IL15RA: variants seen among roughly 807,000 people sequenced by gnomAD.
IL15RA encodes interleukin 15 receptor subunit alpha, also known as interleukin-15 receptor subunit alpha.
A neutral mutation model predicts 24.2 loss-of-function variants in IL15RA; 26 were observed. The ratio of observed to expected loss-of-function variants is 1.07; its 90% CI spans 0.79 to 1.49. The LOEUF (loss-of-function observed/expected upper bound fraction) is 1.49, where lower values mean the gene tolerates loss of function less well. Among genes scored for constraint, IL15RA ranks in the 40% most tolerant of loss-of-function variants. The pLI is 0.00. For missense variants in IL15RA, 354 were observed against 356.4 expected, an observed-to-expected ratio of 0.99 and a Z score of 0.05; for synonymous variants, 166 against 157.6, an observed-to-expected ratio of 1.05 and a Z score of -0.40.
Position 5,960,441 on chromosome 10 carries a change from G to A in IL15RA, c.509C>T (p.Ser170Phe). The A allele has an allele frequency of 1.9e-6, 3 of 1,614,026 alleles. No homozygotes were observed. Among genetic ancestry groups the A allele is most frequent in the Middle Eastern group, 1.6e-4 (1 of 6,084 alleles). ...TGTCTGAGAGGGGGTGCCGTGGGAG[G>A]ACTCATGACTGCTTATCTCTGTGGT... Reference protein sequence around the residue: ...TGTTEISSHESSHGTPSQTTA... With the variant: ...TGTTEISSHEFSHGTPSQTTA... Residue 170 changes from serine to phenylalanine, a missense_variant, in exon 4 of 7, where the codon TCC becomes TTC. By Grantham distance (155) the Ser-to-Phe change is radical. Transcript: ENST00000379977. This position sits in a 1 kb window ranked among gnomAD's most constrained non-coding sequence, Gnocchi z 5.1.
Position 5,977,415 on chromosome 10 carries a change from C to T in IL15RA, c.78G>A (p.Pro26=). 2 of 1,338,436 alleles carry T rather than the reference C, an allele frequency of 1.5e-6. No homozygotes were observed. The highest frequency in any genetic ancestry group is 3.1e-5 in the East Asian group (1 of 32,042). The allele number at this position is 1,338,436 out of a possible 1,614,324, so 82.9% of individuals were successfully genotyped here. A position where few individuals can be genotyped will look rare whatever the true frequency, so the allele number is the denominator to read the frequency against. The change falls in exon 1 of 7, where the codon CCG becomes CCA. Residue 26 remains proline, a synonymous_variant. Coordinates refer to ENST00000379977, the MANE Select transcript of IL15RA (RefSeq NM_002189.4). ...ALLLLLLLRP[P]ATRGITCPPP... The stretch of plus-strand genomic sequence containing the variant: ...CTCCCAGCTCCCTACCCCGCGTCGC[C>T]GGCGGCCGGAGCAGCAGCAGCAGTA...
At position 5,955,391 on chromosome 10, in the gene IL15RA, G is replaced by T. The variant is rs1698029717; in HGVS notation, c.692+988C>A. ...TGGGATTACAGGCATGAGCTACCGT[G>T]CCCAGCCAGGGTCACATAATTTTTA... On this transcript the variant is annotated intron_variant, in intron 6 of 6. Coordinates refer to ENST00000379977, the MANE Select transcript of IL15RA (RefSeq NM_002189.4). This position sits in a 1 kb window ranked among gnomAD's most constrained non-coding sequence, Gnocchi z 5.3. 6.6e-6 allele frequency among the ~76,000 whole-genome samples: 1 copy of T among 152,000 alleles called. No homozygotes were observed. The highest frequency in any genetic ancestry group is 6.6e-5 in the Admixed American group (1 of 15,254).
Position 5,959,615 on chromosome 10 carries a change from T to A in IL15RA, c.616+139A>T. ...AAATCAGCTATTACTTAACTTATTA[T>A]CTGATGGAGGCCTTCTGAGTGTGGA... On this transcript the variant is annotated intron_variant, in intron 5 of 6. Coordinates refer to ENST00000379977, the MANE Select transcript of IL15RA (RefSeq NM_002189.4). The surrounding 1 kb of genome is among the most constrained non-coding windows in gnomAD (Gnocchi z 4.1). 1.4e-6 allele frequency: 1 copy of A among 720,594 alleles called. No individual in the cohort carries two copies. Among genetic ancestry groups the A allele is most frequent in the East Asian group, 2.6e-5 (1 of 38,712 alleles). 44.6% of individuals were successfully genotyped at this position (720,594 alleles called of 1,614,324 possible).
rs377664389 is a variant in IL15RA at position 5,968,231 on chromosome 10, G to A, written c.89-1892C>T. ...AGGACACAGTGGGTGAGTCACAAGA[G>A]AGCCATCACCTAAGTCCACACAAAA... On this transcript the variant is annotated intron_variant, in intron 1 of 6. Coordinates refer to ENST00000379977, the MANE Select transcript of IL15RA (RefSeq NM_002189.4). The surrounding 1 kb of genome is among the most constrained non-coding windows in gnomAD (Gnocchi z 5.4). Among the ~76,000 whole-genome samples, 3 of 152,044 alleles carry A rather than the reference G, an allele frequency of 2.0e-5. No homozygotes were observed. Among genetic ancestry groups the A allele is most frequent in the Non-Finnish European group, 2.9e-5 (2 of 68,018 alleles).
rs1026550253 is a variant in IL15RA, at chr10:5,975,847, C to A, written c.88+1558G>T. ...GGCGGAGGTTGCAGTGAGCTGAGAT[C>A]GCGCTACTGCACCCCAGCCGGGGTG... On this transcript the variant is annotated intron_variant, in intron 1 of 6. Transcript: ENST00000379977. This position sits in a 1 kb window ranked among gnomAD's most constrained non-coding sequence, Gnocchi z 4.8. Among the ~76,000 whole-genome samples, 3 of 152,040 alleles carry A rather than the reference C, an allele frequency of 2.0e-5. No homozygotes were observed. The highest frequency in any genetic ancestry group is 4.4e-5 in the Non-Finnish European group (3 of 68,004).
Position 5,955,830 on chromosome 10 carries a change from C to T in IL15RA, c.692+549G>A, listed in dbSNP as rs1834442440. On this transcript the variant is annotated intron_variant, in intron 6 of 6. Coordinates refer to ENST00000379977, the MANE Select transcript of IL15RA (RefSeq NM_002189.4). This position sits in a 1 kb window ranked among gnomAD's most constrained non-coding sequence, Gnocchi z 5.3. ...GACTGCACGCGTTGGCCACCTGGTG[C>T]ACTTTCTCTGGCCGCCCCATTTCTA... 6.6e-6 allele frequency among the ~76,000 whole-genome samples: 1 copy of T among 152,170 alleles called. No individual in the cohort carries two copies. The highest frequency in any genetic ancestry group is 1.5e-5 in the Non-Finnish European group (1 of 68,022).
At chr10:5,977,619 C>A (rs1179999083), upstream of IL15RA, 4 of 1,259,090 alleles carry the variant, frequency 3.2e-6, no homozygotes, top group African/African-American at 1.5e-5. Flanking sequence ...TTTGCTTTGG[C>A]CCCCGAGGGC....
At chr10:5,969,360 T>G (rs12242628) in intron 1 of IL15RA, among the ~76,000 whole-genome samples, 2 of 134,408 alleles carry the variant, frequency 1.5e-5, no homozygotes, top group African/African-American at 5.6e-5. Context: ...TTTTTTAAAT[T>G]AAATTAAATT....
Position 5,952,693 on chromosome 10 carries a change from C to T in IL15RA, c.*402G>A. On this transcript the variant is annotated 3_prime_UTR_variant, in exon 7 of 7. Transcript: ENST00000379977. The stretch of plus-strand genomic sequence containing the variant: ...ACGCCAGGAGAAGCCTTGTAATTGA[C>T]AGAGAGCTTTGGGTATGTCACTTTT... 4.7e-6 allele frequency: 1 copy of T among 214,006 alleles called. No homozygotes were observed. Among genetic ancestry groups the T allele is most frequent in the African/African-American group, 2.3e-5 (1 of 43,018 alleles). 13.3% of individuals were successfully genotyped at this position (214,006 alleles called of 1,614,324 possible).
intron 1 of IL15RA, among the ~76,000 whole-genome samples, chr10:5,972,732 T>A (rs41294199): frequency 0.01 from 1,595 of 152,310 alleles, 27 homozygotes; most frequent in Admixed American, 0.035. Context: ...AATCATATGA[T>A]GTCTACTACT....
Position 5,952,928 on chromosome 10 carries a change from G to C in IL15RA, c.*167C>G. On this transcript the variant is annotated 3_prime_UTR_variant, in exon 7 of 7. Transcript: ENST00000379977. ...GGGAATGCGGAGAACCTGCTCCCTC[G>C]CGCAGGAGGCGCCGACCCGGCAGTC... 6.4e-6 allele frequency: 4 copies of C among 627,166 alleles called. No individual in the cohort carries two copies. The Admixed American group carries it at 1.2e-4, about 18-fold the overall frequency. 38.9% of individuals were successfully genotyped at this position (627,166 alleles called of 1,614,324 possible). A position where few individuals can be genotyped will look rare whatever the true frequency, so the allele number is the denominator to read the frequency against.
Position 5,963,738 on chromosome 10 carries a change from C to A in IL15RA, c.382+5G>T. ...ATGTCCTCGAGAAGTTTCTGACCTT[C>A]CTACCTTTTCCAGAAGGGGAGAGGC... is the stretch of plus-strand genomic sequence containing the variant. On this transcript the variant is annotated splice_donor_5th_base_variant and intron_variant, in intron 3 of 6. Coordinates refer to ENST00000379977, the MANE Select transcript of IL15RA (RefSeq NM_002189.4). The surrounding 1 kb of genome is among the most constrained non-coding windows in gnomAD (Gnocchi z 5.3). 6.6e-7 allele frequency: 1 copy of A among 1,509,938 alleles called. No individual in the cohort carries two copies. The highest frequency in any genetic ancestry group is 8.8e-7 in the Non-Finnish European group (1 of 1,138,418). 93.5% of individuals were successfully genotyped at this position (1,509,938 alleles called of 1,614,324 possible). A position where few individuals can be genotyped will look rare whatever the true frequency, so the allele number is the denominator to read the frequency against.
chr10:5,953,081 G>A lies in IL15RA; in HGVS notation c.*14C>T. The A allele has an allele frequency of 6.3e-7, 1 of 1,584,606 alleles. No homozygotes were observed. The highest frequency in any genetic ancestry group is 8.7e-7 in the Non-Finnish European group (1 of 1,152,922). ...CCTTCACTCCGGACTTAGCTGGGCT[G>A]GTTTCCCCGAGTTTCATAGGTGGTG... On this transcript the variant is annotated 3_prime_UTR_variant, in exon 7 of 7. Transcript: ENST00000379977. This position sits in a 1 kb window ranked among gnomAD's most constrained non-coding sequence, Gnocchi z 5.3.
Position 5,966,179 on chromosome 10 carries a change from G to A in IL15RA, c.249C>T (p.Val83=), listed in dbSNP as rs1269709860. The A allele has an allele frequency of 3.1e-5, 50 of 1,612,052 alleles. No individual in the cohort carries two copies. The highest frequency in any genetic ancestry group is 4.0e-5 in the Non-Finnish European group (47 of 1,178,328). The change falls in exon 2 of 7, where the codon GTC becomes GTT. Residue 83 remains valine, a synonymous_variant. Coordinates refer to ENST00000379977, the MANE Select transcript of IL15RA (RefSeq NM_002189.4). This position sits in a 1 kb window ranked among gnomAD's most constrained non-coding sequence, Gnocchi z 6.4. ...TECVLNKATN[V]AHWTTPSLKC... The stretch of plus-strand genomic sequence containing the variant: ...TGAGACTGGGGGTTGTCCAGTGGGC[G>A]ACATTCGTGGCCTTGTTCAACACGC...
intron 1 of IL15RA, among the ~76,000 whole-genome samples, chr10:5,974,159 C>A (rs1210249108): frequency 6.6e-6 from 1 of 152,148 alleles, no homozygotes; most frequent in Admixed American, 6.5e-5. Flanking sequence ...GCTACCACAG[C>A]TGGCTAATTT....
rs41258044 is a variant in IL15RA, at chr10:5,963,205, T to C, written c.382+538A>G. Among the ~76,000 whole-genome samples, 1,179 of 152,350 alleles carry C rather than the reference T, an allele frequency of 7.7e-3. 7 individuals carry two copies. The highest frequency in any genetic ancestry group is 0.02 in the Middle Eastern group (6 of 294). Reference sequence around the variant, plus strand: ...TGGAGCAGAGAGCAGGTGTGATTACTGCCCATGACAAAACGCTTGGGTCTC... The same window carrying C: ...TGGAGCAGAGAGCAGGTGTGATTACCGCCCATGACAAAACGCTTGGGTCTC... On this transcript the variant is annotated intron_variant, in intron 3 of 6. Coordinates refer to ENST00000379977, the MANE Select transcript of IL15RA (RefSeq NM_002189.4). The surrounding 1 kb of genome is among the most constrained non-coding windows in gnomAD (Gnocchi z 5.3).
At position 5,970,491 on chromosome 10, in the gene IL15RA, T is replaced by G. The variant is rs1348724120; in HGVS notation, c.89-4152A>C. Among the ~76,000 whole-genome samples, 1 of 152,206 alleles carries G rather than the reference T, an allele frequency of 6.6e-6. No individual in the cohort carries two copies. Among genetic ancestry groups the G allele is most frequent in the Non-Finnish European group, 1.5e-5 (1 of 68,036 alleles). On this transcript the variant is annotated intron_variant, in intron 1 of 6. Transcript: ENST00000379977. The surrounding 1 kb of genome is among the most constrained non-coding windows in gnomAD (Gnocchi z 4.1). The stretch of plus-strand genomic sequence containing the variant: ...TTTTTTGGTATCTACTCTGTCATTT[T>G]GCTGAGAAAGGAAGTCTATCAGTGG...
In IL15RA at chr10:5,968,787, C is replaced by T. The variant is rs1002030496; in HGVS notation, c.89-2448G>A. On this transcript the variant is annotated intron_variant, in intron 1 of 6. Coordinates refer to ENST00000379977, the MANE Select transcript of IL15RA (RefSeq NM_002189.4). The surrounding 1 kb of genome is among the most constrained non-coding windows in gnomAD (Gnocchi z 5.4). ...GATGGCTGTGCTACCTGCTTGCTGC[C>T]TGCTTGTCCGATGGTGGTGGCACTG... 5.6e-6 allele frequency: 4 copies of T among 708,322 alleles called. No individual in the cohort carries two copies. The highest frequency in any genetic ancestry group is 2.6e-6 in the Non-Finnish European group (1 of 390,462). 43.9% of individuals were successfully genotyped at this position (708,322 alleles called of 1,614,324 possible).
Position 5,959,611 on chromosome 10 carries a change from A to C in IL15RA, c.616+143T>G, listed in dbSNP as rs1032523604. On this transcript the variant is annotated intron_variant, in intron 5 of 6. Coordinates refer to ENST00000379977, the MANE Select transcript of IL15RA (RefSeq NM_002189.4). This position sits in a 1 kb window ranked among gnomAD's most constrained non-coding sequence, Gnocchi z 4.1. The stretch of plus-strand genomic sequence containing the variant: ...CCATAAATCAGCTATTACTTAACTT[A>C]TTATCTGATGGAGGCCTTCTGAGTG... 1 of 709,558 alleles carries C rather than the reference A, an allele frequency of 1.4e-6. No individual in the cohort carries two copies. Among genetic ancestry groups the C allele is most frequent in the Non-Finnish European group, 2.5e-6 (1 of 399,340 alleles). 44.0% of individuals were successfully genotyped at this position (709,558 alleles called of 1,614,324 possible). A position where few individuals can be genotyped will look rare whatever the true frequency, so the allele number is the denominator to read the frequency against.
Sources: gnomAD v4.1 joint callset for allele counts (sites outside exome capture counted in the v4.1 genomes callset) on GRCh38, gnomAD v4.1.1 for gene constraint, Gnocchi (gnomAD v3.1) non-coding constraint, MANE v1.5 for transcripts, NCBI Gene and HGNC (gene_info 2026-07-23, HGNC 2026-07-21) for gene names.